Variants in LARP1B observed in about 807,000 individuals in gnomAD.
The protein encoded by LARP1B is La ribonucleoprotein 1B.
In LARP1B, 76 loss-of-function variants were observed where a neutral mutation model predicts 114.2. The observed-to-expected ratio is 0.67, with a 90% CI of 0.55 to 0.81. LARP1B has a LOEUF of 0.81. Ranked by LOEUF, LARP1B falls within the 30% of genes least tolerant of loss-of-function variation. The pLI is 0.00. For missense variants in LARP1B, 1,014 were observed against 1,075.8 expected (o/e 0.94, Z 0.80); for synonymous variants, 345 against 348.0 (o/e 0.99, Z 0.10).
At chr4:128,126,777 A>G (rs1440745030) in intron 11 of LARP1B, among the ~76,000 whole-genome samples, 3 of 151,264 alleles carry the variant, frequency 2.0e-5, no homozygotes, top group South Asian at 2.1e-4. Flanking sequence ...TTTAACATCT[A>G]GTAGATTTTA....
At chr4:128,155,126 A>T (rs888100413) in intron 11 of LARP1B, among the ~76,000 whole-genome samples, 4 of 152,142 alleles carry the variant, frequency 2.6e-5, no homozygotes, top group African/African-American at 9.7e-5. Context: ...TCCCTTTTTG[A>T]ACAAGGCAAG....
intron 6 of LARP1B, 73 bp from the exon 7 acceptor site, chr4:128,091,274 T>G: frequency 2.0e-6 from 3 of 1,509,746 alleles, no homozygotes; most frequent in Admixed American, 4.0e-5. Context: ...ACCTTTGAAG[T>G]TCTTCACTTT....
chr4:128,153,677 T>C (rs1734011482), intron 11 of LARP1B, among the ~76,000 whole-genome samples: 1 of 152,238 alleles, frequency 6.6e-6, no homozygotes. Context: ...ATAGCTTGTC[T>C]AGAAATGATA....
At chr4:128,107,741 C>T (rs777502325) in intron 9 of LARP1B, 41 of 1,475,860 alleles carry the variant, frequency 2.8e-5, no homozygotes, top group Non-Finnish European at 3.7e-5. Flanking sequence ...ATAAAATGAC[C>T]TGCATTCTAA....
intron 7 of LARP1B, among the ~76,000 whole-genome samples, chr4:128,094,970 C>T (rs1220093747): frequency 2.6e-5 from 4 of 151,994 alleles, no homozygotes; most frequent in Admixed American, 6.6e-5. Flanking sequence ...AGGCTGGTCT[C>T]GGATTCCTGA....
In LARP1B at chr4:128,080,762, G is replaced by GT. The variant is rs200527639; in HGVS notation, c.218-1394dup. ...CATCAAGAAAAGTTAAACTGCTTGTGTTTTTTTTTCCTTAGGAAGATGCAT... is the reference window on the plus strand; with the variant it reads ...CATCAAGAAAAGTTAAACTGCTTGTGTTTTTTTTTTCCTTAGGAAGATGCAT... On this transcript the variant is annotated intron_variant, in intron 4 of 19. Transcript: ENST00000326639. Among the ~76,000 whole-genome samples, 27 of 150,546 alleles carry GT rather than the reference G, an allele frequency of 1.8e-4. No individual in the cohort carries two copies. The East Asian group carries it at 2.5e-3, about 14-fold the overall frequency.
At chr4:128,162,801 T>C (rs1475924249) in intron 12 of LARP1B, among the ~76,000 whole-genome samples, 1 of 152,162 alleles carries the variant, frequency 6.6e-6, no homozygotes, top group African/African-American at 2.4e-5. Context: ...GTCACACATA[T>C]ACAAAGATAG....
intron 4 of LARP1B, among the ~76,000 whole-genome samples, chr4:128,078,340 G>T (rs997230810): frequency 2.0e-4 from 30 of 152,098 alleles, no homozygotes; most frequent in African/African-American, 7.2e-4. Flanking sequence ...AATAGGCTGG[G>T]CGCAGTGGCT....
intron 7 of LARP1B, among the ~76,000 whole-genome samples, chr4:128,094,139 C>G (rs990323507): frequency 1.3e-5 from 2 of 151,798 alleles, no homozygotes; most frequent in South Asian, 4.2e-4. Context: ...GTTGGTCAGG[C>G]TGGTCTCGAA....
intron 4 of LARP1B, among the ~76,000 whole-genome samples, chr4:128,079,984 GTC>G (rs1769625916): frequency 2.0e-5 from 3 of 149,672 alleles, no homozygotes; most frequent in Non-Finnish European, 1.5e-5. Flanking sequence ...TCTAAAATTT[GTC>G]TTTTTTTTTT....
chr4:128,171,842 G>C (rs1234633512), intron 12 of LARP1B, among the ~76,000 whole-genome samples: 1 of 151,602 alleles, frequency 6.6e-6, no homozygotes, highest in Admixed American at 6.6e-5. Flanking sequence ...GTCCTCCATG[G>C]TTTTTGGTAT....
At chr4:128,137,792 T>TATATATA (rs1491094237) in intron 11 of LARP1B, among the ~76,000 whole-genome samples, 8 of 47,308 alleles carry the variant, frequency 1.7e-4, no homozygotes, top group African/African-American at 4.0e-4. Flanking sequence ...TATATATATA[T>TATATATA]TTTTTTTTTA....
chr4:128,138,823 G>A (rs367710955), intron 11 of LARP1B, among the ~76,000 whole-genome samples: 24 of 152,206 alleles, frequency 1.6e-4, no homozygotes, highest in Middle Eastern at 3.4e-3. Context: ...CAGGCATGGT[G>A]GTAGGCACCT....
chr4:128,169,013 C>A (rs1210658175), intron 12 of LARP1B, among the ~76,000 whole-genome samples: 1 of 152,018 alleles, frequency 6.6e-6, no homozygotes, highest in Non-Finnish European at 1.5e-5. Context: ...TCTTTTTTCT[C>A]AGGTGAGCTT....
intron 19 of LARP1B, 85 bp from the exon 20 acceptor site, chr4:128,209,771 T>C: frequency 8.7e-7 from 1 of 1,145,738 alleles, no homozygotes; most frequent in Non-Finnish European, 1.3e-6. Flanking sequence ...TTTAACTTAC[T>C]TTTTTGGGGA....
chr4:128,122,900 A>G (rs764463121), intron 11 of LARP1B: 32 of 993,558 alleles, frequency 3.2e-5, no homozygotes, highest in Non-Finnish European at 2.2e-5. Context: ...AATGGTACAG[A>G]TATGGGGATA....
At position 128,187,000 on chromosome 4, in the gene LARP1B, G is replaced by T. The variant is rs188555041; in HGVS notation, c.2003+7488G>T. Among the ~76,000 whole-genome samples the T allele has an allele frequency of 5.3e-5, 8 of 152,310 alleles. No homozygotes were observed. In the East Asian group the frequency reaches 1.5e-3, roughly 29 times the overall value. ...GCACAGAATGCAAGAGTTGAGGCTT[G>T]GGAGCCTCTGCCTATATTTCAGAGG... is the stretch of plus-strand genomic sequence containing the variant. On this transcript the variant is annotated intron_variant, in intron 15 of 19. Coordinates refer to ENST00000326639, the MANE Select transcript of LARP1B (RefSeq NM_018078.4).
chr4:128,200,030 G>A (rs980871851), intron 16 of LARP1B, among the ~76,000 whole-genome samples: 6 of 152,172 alleles, frequency 3.9e-5, no homozygotes, highest in African/African-American at 9.7e-5. Context: ...AGGTTGCAGT[G>A]AGCCAAAATC....
At chr4:128,153,294 T>G (rs1451832318) in intron 11 of LARP1B, among the ~76,000 whole-genome samples, 1 of 22,278 alleles carries the variant, frequency 4.5e-5, no homozygotes, top group African/African-American at 2.3e-4. Context: ...TGGTTTGCCA[T>G]TTATTTATTT....
Sources: allele counts gnomAD v4.1 joint callset (sites outside exome capture counted in the v4.1 genomes callset), GRCh38; gene constraint gnomAD v4.1.1; transcripts MANE v1.5; gene names NCBI Gene and HGNC (gene_info 2026-07-23, HGNC 2026-07-21).